Variants in MFHAS1 observed in about 807,000 individuals in gnomAD.
The protein encoded by MFHAS1 is malignant fibrous histiocytoma-amplified sequence 1.
MFHAS1 carries 50 observed loss-of-function variants against 70.4 expected under a neutral mutation model. That is an observed-to-expected ratio of 0.71 (90% CI 0.57 to 0.90). The LOEUF (loss-of-function observed/expected upper bound fraction) is 0.90, where lower values mean the gene tolerates loss of function less well. Ranked by LOEUF, MFHAS1 falls within the 40% of genes least tolerant of loss-of-function variation. MFHAS1 has a pLI of 0.00. For synonymous variants in MFHAS1, 952 were observed against 620.0 expected (o/e 1.54, Z -7.96); for missense variants, 1,795 against 1,347.6 (o/e 1.33, Z -5.20).
At chr8:8,874,806 AAG>A (rs986562282) in intron 1 of MFHAS1, among the ~76,000 whole-genome samples, 5 of 152,262 alleles carry the variant, frequency 3.3e-5, no homozygotes, top group African/African-American at 1.2e-4. Context: ...TTTTAAAGCA[AAG>A]AGGGGAACAA....
At chr8:8,840,089 C>T (rs542753953) in intron 1 of MFHAS1, among the ~76,000 whole-genome samples, 87 of 152,264 alleles carry the variant, frequency 5.7e-4, no homozygotes, top group Middle Eastern at 3.4e-3. Context: ...CATCAAAAGA[C>T]ATATCCAAGC....
Position 8,890,422 on chromosome 8 carries a change from C to T in MFHAS1, c.2637G>A (p.Gln879=), listed in dbSNP as rs769878616. 41 of 1,613,894 alleles carry T rather than the reference C, an allele frequency of 2.5e-5. No individual in the cohort carries two copies. The Admixed American group carries it at 5.0e-4, about 20-fold the overall frequency. The change falls in exon 1 of 3, where the codon CAG becomes CAA. Residue 879 remains glutamine (Q), a synonymous_variant. Coordinates refer to ENST00000276282, the MANE Select transcript of MFHAS1 (RefSeq NM_004225.3). ...NLAGQSFVAE[Q]LQIEYSFPFT... ...AAGGAAAGCTATATTCAATCTGCAA[C>T]TGCTCAGCCACAAAAGACTGCCCAG...
chr8:8,791,134 T>C (rs1368277733), intron 2 of MFHAS1, among the ~76,000 whole-genome samples: 1 of 151,640 alleles, frequency 6.6e-6, no homozygotes, highest in East Asian at 1.9e-4. Flanking sequence ...CGTTTTTTTT[T>C]TTTTTTTTTG....
intron 1 of MFHAS1, among the ~76,000 whole-genome samples, chr8:8,888,175 C>T (rs1809843392): frequency 6.6e-6 from 1 of 152,190 alleles, no homozygotes; most frequent in African/African-American, 2.4e-5. Flanking sequence ...GATAAACATA[C>T]AGAATGGATG....
At chr8:8,854,146 C>G (rs1808345306) in intron 1 of MFHAS1, among the ~76,000 whole-genome samples, 2 of 152,110 alleles carry the variant, frequency 1.3e-5, no homozygotes, top group Admixed American at 1.3e-4. Flanking sequence ...GCTGTAATCC[C>G]AGCACTCTAG....
At chr8:8,801,298 C>T (rs1169392573) in intron 1 of MFHAS1, among the ~76,000 whole-genome samples, 4 of 152,178 alleles carry the variant, frequency 2.6e-5, no homozygotes, top group Admixed American at 1.3e-4. Context: ...AGACTGTCCA[C>T]GTCACACAGA....
intron 1 of MFHAS1, among the ~76,000 whole-genome samples, chr8:8,874,935 G>A (rs1269841297): frequency 6.7e-6 from 1 of 149,728 alleles, no homozygotes; most frequent in South Asian, 2.1e-4. Flanking sequence ...CCACCAAGAT[G>A]ATGCCAGAAG....
chr8:8,828,953 G>A (rs1807265413), intron 1 of MFHAS1, among the ~76,000 whole-genome samples: 1 of 152,040 alleles, frequency 6.6e-6, no homozygotes, highest in African/African-American at 2.4e-5. Flanking sequence ...GAGCACCCCT[G>A]CCTCCCTCTT....
chr8:8,863,683 C>G (rs1008695005), intron 1 of MFHAS1, among the ~76,000 whole-genome samples: 1 of 152,158 alleles, frequency 6.6e-6, no homozygotes, highest in African/African-American at 2.4e-5. Context: ...ACATACTGGT[C>G]CTTAACCCAG....
At position 8,824,611 on chromosome 8, in the gene MFHAS1, A is replaced by G. The variant is rs977967058; in HGVS notation, c.2999-27120T>C. 2.6e-5 allele frequency among the ~76,000 whole-genome samples: 4 copies of G among 151,988 alleles called. No homozygotes were observed. The South Asian group carries it at 8.3e-4, about 32-fold the overall frequency. ...GAAGAAGAAAATGATTCTTGCCAAT[A>G]TCTATAAGAAGGTCACTCATGTAAC... On this transcript the variant is annotated intron_variant, in intron 1 of 2. Transcript: ENST00000276282.
intron 1 of MFHAS1, among the ~76,000 whole-genome samples, chr8:8,807,432 T>C (rs1466420190): frequency 3.9e-5 from 6 of 152,158 alleles, no homozygotes; most frequent in African/African-American, 7.2e-5. Flanking sequence ...TCAAAAGAGC[T>C]GTCTACATTC....
intron 1 of MFHAS1, among the ~76,000 whole-genome samples, chr8:8,838,078 A>G (rs184522662): frequency 3.0e-4 from 45 of 152,370 alleles, no homozygotes; most frequent in Non-Finnish European, 1.5e-5. Context: ...ATATTCAGCA[A>G]TAAGATGGAT....
chr8:8,861,699 A>C (rs1808667576), intron 1 of MFHAS1, among the ~76,000 whole-genome samples: 1 of 152,210 alleles, frequency 6.6e-6, no homozygotes, highest in Non-Finnish European at 1.5e-5. Flanking sequence ...TCCCGTCACC[A>C]CAAAAAGGTT....
intron 1 of MFHAS1, among the ~76,000 whole-genome samples, chr8:8,856,436 G>C (rs954112635): frequency 2.0e-5 from 3 of 152,228 alleles, no homozygotes; most frequent in Admixed American, 6.5e-5. Context: ...AGGGAGGTAA[G>C]GGATGGTGTG....
intron 1 of MFHAS1, among the ~76,000 whole-genome samples, chr8:8,861,819 T>C (rs185228854): frequency 1.3e-5 from 2 of 152,332 alleles, no homozygotes; most frequent in African/African-American, 2.4e-5. Context: ...AATGGAGTCA[T>C]ACAATATGTA....
chr8:8,792,029 G>T (rs1382830614), intron 2 of MFHAS1, among the ~76,000 whole-genome samples: 1 of 152,078 alleles, frequency 6.6e-6, no homozygotes, highest in African/African-American at 2.4e-5. Context: ...ATCACGGTCA[G>T]GAGATCGAGA....
chr8:8,868,555 C>G (rs765172644), intron 1 of MFHAS1, among the ~76,000 whole-genome samples: 18 of 151,840 alleles, frequency 1.2e-4, no homozygotes, highest in Non-Finnish European at 7.4e-5. Context: ...CAATTTGGAG[C>G]TACTCCCAAC....
chr8:8,856,511 T>A (rs778611719), intron 1 of MFHAS1, among the ~76,000 whole-genome samples: 1 of 152,158 alleles, frequency 6.6e-6, no homozygotes, highest in Non-Finnish European at 1.5e-5. Context: ...GCCAAACATA[T>A]CAGGTGAGGC....
At chr8:8,831,096 G>A (rs183407400) in intron 1 of MFHAS1, among the ~76,000 whole-genome samples, 127 of 152,062 alleles carry the variant, frequency 8.4e-4, no homozygotes, top group Middle Eastern at 3.4e-3. Context: ...CTAGCTTGTA[G>A]AATGCTGCCT....
Sources: gnomAD v4.1 joint callset for allele counts (sites outside exome capture counted in the v4.1 genomes callset) on GRCh38, gnomAD v4.1.1 for gene constraint, MANE v1.5 for transcripts, NCBI Gene and HGNC (gene_info 2026-07-23, HGNC 2026-07-21) for gene names.